The following PTPN4 variants were observed in gnomAD, a reference collection of about 807,000 sequenced individuals.
PTPN4 encodes the protein protein tyrosine phosphatase non-receptor type 4, also known as tyrosine-protein phosphatase non-receptor type 4.
In PTPN4, 49 loss-of-function variants were observed where a neutral mutation model predicts 135.5. That is an observed-to-expected ratio of 0.36 (90% CI 0.29 to 0.46). PTPN4 has a LOEUF of 0.46. Ranked by LOEUF, PTPN4 falls within the 20% of genes least tolerant of loss-of-function variation. The pLI is 1.00. For missense variants in PTPN4, 860 were observed against 1,101.0 expected, an observed-to-expected ratio of 0.78 and a Z score of 3.10; for synonymous variants, 333 against 369.9, an observed-to-expected ratio of 0.90 and a Z score of 1.14.
chr2:119,881,397 C>T (rs1426316751), intron 5 of PTPN4, among the ~76,000 whole-genome samples: 3 of 152,132 alleles, frequency 2.0e-5, no homozygotes, highest in African/African-American at 4.8e-5. Context: ...CGAAAATCAT[C>T]GCTGGTCTCT....
chr2:119,896,849 T>G (rs75997256), intron 9 of PTPN4, among the ~76,000 whole-genome samples: 1 of 152,284 alleles, frequency 6.6e-6, no homozygotes, highest in East Asian at 1.9e-4. Flanking sequence ...TTTAATACAG[T>G]ATAATTATTC....
chr2:119,951,308 A>G (rs548514175), intron 18 of PTPN4, among the ~76,000 whole-genome samples: 22 of 152,268 alleles, frequency 1.4e-4, no homozygotes, highest in African/African-American at 4.8e-4. Context: ...CTCTGACTCT[A>G]TTTATGGTCC....
At chr2:119,850,189 C>T (rs1677570564) in intron 2 of PTPN4, among the ~76,000 whole-genome samples, 1 of 152,234 alleles carries the variant, frequency 6.6e-6, no homozygotes, top group Non-Finnish European at 1.5e-5. Context: ...TGTGGCCTGT[C>T]TCCCTTTAAC....
At chr2:119,899,026 C>T (rs1049537545) in intron 9 of PTPN4, among the ~76,000 whole-genome samples, 4 of 152,042 alleles carry the variant, frequency 2.6e-5, no homozygotes, top group South Asian at 2.1e-4. Flanking sequence ...CACTTGGTTG[C>T]GAATGCTGTT....
At chr2:119,783,431 G>T (rs1471835550) in intron 1 of PTPN4, among the ~76,000 whole-genome samples, 1 of 152,196 alleles carries the variant, frequency 6.6e-6, no homozygotes, top group African/African-American at 2.4e-5. Context: ...CAAGTGTTGA[G>T]GTGGAGATTG....
chr2:119,790,272 A>T (rs888363614), intron 1 of PTPN4, among the ~76,000 whole-genome samples: 1 of 152,054 alleles, frequency 6.6e-6, no homozygotes, highest in Non-Finnish European at 1.5e-5. Flanking sequence ...ATTTTTCTGC[A>T]TATTTTATTC....
At position 119,955,225 on chromosome 2, in the gene PTPN4, C is replaced by G; in HGVS notation, c.1882C>G (p.Pro628Ala). 1 of 1,613,374 alleles carries G rather than the reference C, an allele frequency of 6.2e-7. No homozygotes were observed. Among genetic ancestry groups the G allele is most frequent in the Non-Finnish European group, 8.5e-7 (1 of 1,179,690 alleles). ...PDFQYIPEKA[P>A]LDSVHQDDHS... ...TTTCCAGTATATTCCTGAGAAAGCC[C>G]CACTAGATAGTGTGCATCAGGATGA... The change falls in exon 20 of 27, where the codon CCA (proline) becomes GCA (alanine). Residue 628 changes from proline (P) to alanine (A), a missense_variant. Pro to Ala is a conservative substitution (Grantham distance 27). Coordinates refer to ENST00000263708, the MANE Select transcript of PTPN4 (RefSeq NM_002830.4).
intron 15 of PTPN4, among the ~76,000 whole-genome samples, chr2:119,938,772 G>T (rs1017332812): frequency 6.6e-6 from 1 of 152,014 alleles, no homozygotes; most frequent in South Asian, 2.1e-4. Flanking sequence ...AGGGGTGGGG[G>T]ATGCTTATTA....
intron 1 of PTPN4, among the ~76,000 whole-genome samples, chr2:119,809,147 TTTC>T (rs1691534095): frequency 6.6e-6 from 1 of 151,996 alleles, no homozygotes; most frequent in Non-Finnish European, 1.5e-5. Context: ...TTCAAAGAAT[TTTC>T]TTTCACAACT....
At chr2:119,792,881 A>C (rs1691175074) in intron 1 of PTPN4, among the ~76,000 whole-genome samples, 1 of 152,096 alleles carries the variant, frequency 6.6e-6, no homozygotes, top group Non-Finnish European at 1.5e-5. Flanking sequence ...TTCAAAGGGG[A>C]GGGAGTGTAT....
chr2:119,842,085 C>T (rs377216836), intron 2 of PTPN4, among the ~76,000 whole-genome samples: 6 of 152,150 alleles, frequency 3.9e-5, no homozygotes, highest in South Asian at 2.1e-4. Context: ...TTATTCCTCA[C>T]GTAGATTTTA....
intron 5 of PTPN4, among the ~76,000 whole-genome samples, chr2:119,878,985 G>C (rs112499050): frequency 2.6e-5 from 4 of 151,654 alleles, no homozygotes; most frequent in Admixed American, 1.3e-4. Context: ...CCCAGCTACT[G>C]GGGAGGCTGA....
At chr2:119,861,548 T>C (rs915586518) in intron 2 of PTPN4, among the ~76,000 whole-genome samples, 5 of 152,250 alleles carry the variant, frequency 3.3e-5, no homozygotes, top group Admixed American at 6.5e-5. Context: ...GTAGTTGATA[T>C]TGTTATTGCT....
Position 119,983,353 on chromosome 2 carries a change from C to T in PTPN4, c.*6283C>T, listed in dbSNP as rs935872543. 6.6e-6 allele frequency: 1 copy of T among 152,224 alleles called. No individual in the cohort carries two copies. Among genetic ancestry groups the T allele is most frequent in the East Asian group, 1.9e-4 (1 of 5,192 alleles). 9.4% of individuals were successfully genotyped at this position (152,224 alleles called of 1,614,324 possible). A position where few individuals can be genotyped will look rare whatever the true frequency, so the allele number is the denominator to read the frequency against. On this transcript the variant is annotated 3_prime_UTR_variant, in exon 27 of 27. Transcript: ENST00000263708. ...ACAAATTGGCAGTTGGGTACTTCCC[C>T]ACTGTCATCACAGTTGAGCTCATTT...
chr2:119,967,810 G>C lies in PTPN4; in HGVS notation c.2559-27G>C, dbSNP rs777123004. On this transcript the variant is annotated intron_variant, in intron 25 of 26. Coordinates refer to ENST00000263708, the MANE Select transcript of PTPN4 (RefSeq NM_002830.4). ...TAGTTTAACAGAATAGTATCGGTAAGATCTTGCCTATATTTGTCTTTTTTA... is the reference window on the plus strand; with the variant it reads ...TAGTTTAACAGAATAGTATCGGTAACATCTTGCCTATATTTGTCTTTTTTA... 3 of 1,563,078 alleles carry C rather than the reference G, an allele frequency of 1.9e-6. No homozygotes were observed. In the African/African-American group the frequency reaches 4.1e-5, roughly 21 times the overall value.
At chr2:119,793,444 C>T (rs1691189370) in intron 1 of PTPN4, among the ~76,000 whole-genome samples, 1 of 152,168 alleles carries the variant, frequency 6.6e-6, no homozygotes, top group Admixed American at 6.5e-5. Flanking sequence ...TTCAAACACA[C>T]ATGCTTTACG....
chr2:119,903,736 C>G (rs932706944), intron 10 of PTPN4, among the ~76,000 whole-genome samples: 33 of 152,142 alleles, frequency 2.2e-4, no homozygotes, highest in African/African-American at 8.0e-4. Context: ...CCCACTGATA[C>G]TGCTGACACC....
At chr2:119,901,544 T>C (rs923241690) in intron 10 of PTPN4, among the ~76,000 whole-genome samples, 4 of 152,176 alleles carry the variant, frequency 2.6e-5, no homozygotes, top group Non-Finnish European at 5.9e-5. Context: ...TATTTCTTTC[T>C]TTTACCCAGT....
chr2:119,956,383 G>A (rs187279790), intron 20 of PTPN4, among the ~76,000 whole-genome samples: 19 of 151,482 alleles, frequency 1.3e-4, no homozygotes, highest in Admixed American at 1.3e-3. Context: ...TAGGCTCCCT[G>A]GATAGTTTTT....
Sources: allele counts gnomAD v4.1 joint callset (sites outside exome capture counted in the v4.1 genomes callset), GRCh38; gene constraint gnomAD v4.1.1; transcripts MANE v1.5; gene names NCBI Gene and HGNC (gene_info 2026-07-23, HGNC 2026-07-21).